Variants in FTO observed in about 807,000 individuals in gnomAD.
FTO encodes alpha-ketoglutarate-dependent dioxygenase FTO.
In FTO, 47 loss-of-function variants were observed where a neutral mutation model predicts 63.9. The ratio of observed to expected loss-of-function variants is 0.74; its 90% confidence interval spans 0.58 to 0.94. The LOEUF (loss-of-function observed/expected upper bound fraction) is 0.94. FTO is among the 40% of genes least tolerant of loss of function. The pLI, the probability that FTO is intolerant of heterozygous loss-of-function variation, is 0.00. For synonymous variants in FTO, 207 were observed against 224.4 expected (o/e 0.92, Z 0.69); for missense variants, 562 against 618.1 (o/e 0.91, Z 0.96).
intron 8 of FTO, among the ~76,000 whole-genome samples, chr16:54,058,942 T>C (rs571920096): frequency 3.3e-5 from 5 of 152,368 alleles, no homozygotes; most frequent in African/African-American, 9.6e-5. Context: ...ACTTGTTTTA[T>C]ATATGGGATA....
At chr16:53,825,192 C>G (rs1329082791) in intron 2 of FTO, among the ~76,000 whole-genome samples, 2 of 152,150 alleles carry the variant, frequency 1.3e-5, no homozygotes, top group Non-Finnish European at 2.9e-5. Context: ...AACTTAATGT[C>G]TAACTCCTGA....
intron 8 of FTO, among the ~76,000 whole-genome samples, chr16:54,007,228 G>A (rs1286910283): frequency 2.0e-5 from 3 of 152,016 alleles, no homozygotes; most frequent in Non-Finnish European, 4.4e-5. Flanking sequence ...AATGGGTGCG[G>A]CACACCAGCA....
intron 4 of FTO, among the ~76,000 whole-genome samples, chr16:53,865,078 A>AT (rs2080270719): frequency 6.6e-6 from 1 of 152,078 alleles, no homozygotes; most frequent in Non-Finnish European, 1.5e-5. Context: ...TAAGGTGGTG[A>AT]TTTTTCCCCT....
chr16:54,064,415 A>G (rs1486608752), intron 8 of FTO, among the ~76,000 whole-genome samples: 1 of 152,168 alleles, frequency 6.6e-6, no homozygotes, highest in East Asian at 1.9e-4. Flanking sequence ...TGAGTTTGAC[A>G]TGTTTTGACC....
intron 8 of FTO, among the ~76,000 whole-genome samples, chr16:54,017,078 AGCCTGAGTGGTTTAT>A (rs1353938131): frequency 2.0e-5 from 3 of 152,192 alleles, no homozygotes. Flanking sequence ...ATGAGTGTAA[AGCCTGAGTGGTTTAT>A]GCCATTAAAA....
chr16:53,783,606 A>C (rs7198851), intron 1 of FTO, among the ~76,000 whole-genome samples: 119 of 21,446 alleles, frequency 5.5e-3, no homozygotes, highest in African/African-American at 0.047. Context: ...AGACTCCATA[A>C]AAAAAAAAAA....
intron 1 of FTO, among the ~76,000 whole-genome samples, chr16:53,767,462 C>T (rs1450734306): frequency 6.6e-6 from 1 of 151,932 alleles, no homozygotes; most frequent in Non-Finnish European, 1.5e-5. Context: ...ATGTAACTAA[C>T]CTGCACGTTG....
chr16:53,707,552 C>T (rs991134840), intron 1 of FTO, among the ~76,000 whole-genome samples: 1 of 152,188 alleles, frequency 6.6e-6, no homozygotes, highest in South Asian at 2.1e-4. Context: ...TTCCTACCAA[C>T]TGTTAGTAGG....
At chr16:53,857,134 G>A (rs1460621215) in intron 4 of FTO, among the ~76,000 whole-genome samples, 1 of 151,990 alleles carries the variant, frequency 6.6e-6, no homozygotes, top group East Asian at 1.9e-4. Flanking sequence ...TTTGTTACAT[G>A]GGTAAATTGC....
chr16:53,994,864 G>A (rs1478734543), intron 8 of FTO, among the ~76,000 whole-genome samples: 1 of 152,002 alleles, frequency 6.6e-6, no homozygotes, highest in Admixed American at 6.5e-5. Flanking sequence ...CTCCCGAGTA[G>A]CTGGGTTTAC....
intron 8 of FTO, among the ~76,000 whole-genome samples, chr16:54,033,828 A>T (rs1017577463): frequency 1.3e-5 from 2 of 152,174 alleles, no homozygotes; most frequent in Admixed American, 1.3e-4. Context: ...AAAATAAATA[A>T]ATAAAGCTCA....
chr16:54,023,721 T>G (rs1163474890), intron 8 of FTO, among the ~76,000 whole-genome samples: 1 of 152,328 alleles, frequency 6.6e-6, no homozygotes, highest in East Asian at 1.9e-4. Context: ...CTTCCTTTCT[T>G]GAAAACATGT....
chr16:53,852,142 G>A (rs2079825444), intron 4 of FTO, among the ~76,000 whole-genome samples: 1 of 146,276 alleles, frequency 6.8e-6, no homozygotes, highest in African/African-American at 2.6e-5. Flanking sequence ...CAGGTATGGT[G>A]GCAAACACCC....
chr16:53,739,082 T>C (rs4548860), intron 1 of FTO, among the ~76,000 whole-genome samples: 20,877 of 152,170 alleles, frequency 0.14, 2,383 homozygotes, highest in African/African-American at 0.31. Flanking sequence ...CAGCCTCGGC[T>C]GCCCAAACTG....
intron 8 of FTO, among the ~76,000 whole-genome samples, chr16:53,990,108 G>C (rs1406870999): frequency 1.3e-5 from 2 of 152,080 alleles, no homozygotes; most frequent in Non-Finnish European, 2.9e-5. Flanking sequence ...TTTGGGAGGA[G>C]TCAAAATTTA....
chr16:53,881,192 C>T (rs1346744693), intron 6 of FTO, among the ~76,000 whole-genome samples: 1 of 151,370 alleles, frequency 6.6e-6, no homozygotes, highest in Non-Finnish European at 1.5e-5. Context: ...CATACACATA[C>T]AGACCATAGC....
At chr16:54,028,492 G>A (rs1398434165) in intron 8 of FTO, among the ~76,000 whole-genome samples, 1 of 152,130 alleles carries the variant, frequency 6.6e-6, no homozygotes, top group Non-Finnish European at 1.5e-5. Context: ...CAAATCTCAA[G>A]GGTGATATGG....
At chr16:53,798,037 T>C (rs2078121541) in intron 1 of FTO, among the ~76,000 whole-genome samples, 1 of 152,132 alleles carries the variant, frequency 6.6e-6, no homozygotes, top group African/African-American at 2.4e-5. Context: ...TTAAAAGATA[T>C]AGATATCTAA....
At chr16:53,927,800 A>G (rs2082183560) in intron 7 of FTO, among the ~76,000 whole-genome samples, 1 of 152,186 alleles carries the variant, frequency 6.6e-6, no homozygotes, top group Admixed American at 6.5e-5. Flanking sequence ...ATAAAGAGAT[A>G]AAGATTTTCC....
Sources: allele counts gnomAD v4.1 joint callset (sites outside exome capture counted in the v4.1 genomes callset), GRCh38; gene constraint gnomAD v4.1.1; transcripts MANE v1.5; gene names NCBI Gene and HGNC (gene_info 2026-07-23, HGNC 2026-07-21).